Variants in TBC1D5 observed in about 807,000 individuals in gnomAD.
TBC1D5 encodes the protein TBC1 domain family, member 5.
Under a neutral mutation model 100.3 loss-of-function variants are expected in TBC1D5, and 75 were observed. The ratio of observed to expected loss-of-function variants is 0.75; its 90% confidence interval spans 0.62 to 0.91. The LOEUF (loss-of-function observed/expected upper bound fraction) is 0.91. TBC1D5 is among the 40% of genes least tolerant of loss of function. TBC1D5 has a pLI of 0.00. For missense variants in TBC1D5, 910 were observed against 942.4 expected, an observed-to-expected ratio of 0.97 and a Z score of 0.45; for synonymous variants, 323 against 325.6, an observed-to-expected ratio of 0.99 and a Z score of 0.09.
At chr3:17,300,996 G>A (rs1177749601) in intron 14 of TBC1D5, among the ~76,000 whole-genome samples, 2 of 440 alleles carry the variant, frequency 4.5e-3, no homozygotes, top group Non-Finnish European at 8.9e-3. Flanking sequence ...ACTTGAACCC[G>A]GGAGGTGGAA....
At chr3:17,434,633 G>A (rs943376800) in intron 3 of TBC1D5, among the ~76,000 whole-genome samples, 102 of 152,124 alleles carry the variant, frequency 6.7e-4, no homozygotes, top group African/African-American at 2.4e-3. Flanking sequence ...GAACAGGGGG[G>A]CCCTGGGCCC....
chr3:17,521,355 C>A (rs147823611), intron 2 of TBC1D5, among the ~76,000 whole-genome samples: 3 of 152,254 alleles, frequency 2.0e-5, no homozygotes, highest in Non-Finnish European at 4.4e-5. Context: ...GGGTAACTTC[C>A]GCTAAATGAA....
intron 13 of TBC1D5, among the ~76,000 whole-genome samples, chr3:17,341,487 C>T (rs1026943644): frequency 4.6e-5 from 7 of 152,114 alleles, no homozygotes; most frequent in South Asian, 2.1e-4. Flanking sequence ...TGAGGTACCG[C>T]GCCTGGCCTA....
At chr3:17,389,604 C>T (rs1044425330) in intron 8 of TBC1D5, among the ~76,000 whole-genome samples, 7 of 152,238 alleles carry the variant, frequency 4.6e-5, no homozygotes, top group African/African-American at 1.4e-4. Flanking sequence ...AATAACCAGA[C>T]AGGTGAATGA....
intron 2 of TBC1D5, among the ~76,000 whole-genome samples, chr3:17,549,459 C>A (rs965906639): frequency 6.6e-6 from 1 of 152,104 alleles, no homozygotes; most frequent in East Asian, 1.9e-4. Flanking sequence ...AAAACGAGTC[C>A]TTGTTCATTT....
chr3:17,506,889 G>A (rs552876547), intron 3 of TBC1D5, among the ~76,000 whole-genome samples: 250 of 152,138 alleles, frequency 1.6e-3, no homozygotes, highest in Non-Finnish European at 1.3e-3. Context: ...AGTGGCAGCC[G>A]CCTGTAGTCC....
intron 16 of TBC1D5, among the ~76,000 whole-genome samples, chr3:17,253,502 T>C (rs2077350502): frequency 6.6e-6 from 1 of 152,218 alleles, no homozygotes. Context: ...GTATAATTTA[T>C]ATATAATATA....
At chr3:17,471,920 C>A (rs2150139719) in intron 3 of TBC1D5, among the ~76,000 whole-genome samples, 1 of 152,160 alleles carries the variant, frequency 6.6e-6, no homozygotes, top group South Asian at 2.1e-4. Flanking sequence ...GGGAGGCGGT[C>A]AGAACATGAG....
At chr3:17,514,704 A>T (rs1378935729) in intron 2 of TBC1D5, among the ~76,000 whole-genome samples, 1 of 152,184 alleles carries the variant, frequency 6.6e-6, no homozygotes, top group Non-Finnish European at 1.5e-5. Context: ...CTATAAAGTC[A>T]TGAGAAAGTG....
At chr3:17,499,479 G>C (rs1576375084) in intron 3 of TBC1D5, among the ~76,000 whole-genome samples, 1 of 137,992 alleles carries the variant, frequency 7.2e-6, no homozygotes, top group African/African-American at 3.2e-5. Context: ...AGGCCCATGT[G>C]GGCGGATCAC....
intron 2 of TBC1D5, among the ~76,000 whole-genome samples, chr3:17,541,932 T>C (rs142260398): frequency 6.6e-6 from 1 of 152,322 alleles, no homozygotes; most frequent in African/African-American, 2.4e-5. Flanking sequence ...ACACACCTAT[T>C]ATAAAGTTTA....
At chr3:17,512,371 A>T (rs2153234015) in intron 2 of TBC1D5, among the ~76,000 whole-genome samples, 1 of 152,244 alleles carries the variant, frequency 6.6e-6, no homozygotes, top group South Asian at 2.1e-4. Context: ...AACACTTACA[A>T]TGGTTCATTA....
At chr3:17,632,957 C>T (rs887228057) in intron 1 of TBC1D5, among the ~76,000 whole-genome samples, 2 of 151,958 alleles carry the variant, frequency 1.3e-5, no homozygotes, top group African/African-American at 2.4e-5. Context: ...GATAATACAC[C>T]CTTTTTCCCC....
At chr3:17,527,348 A>G (rs2153361538) in intron 2 of TBC1D5, among the ~76,000 whole-genome samples, 1 of 152,292 alleles carries the variant, frequency 6.6e-6, no homozygotes, top group Non-Finnish European at 1.5e-5. Context: ...GAAGACCATA[A>G]AGTGGGAAAT....
chr3:17,164,261 C>T (rs1313164041), intron 21 of TBC1D5, among the ~76,000 whole-genome samples: 2 of 152,198 alleles, frequency 1.3e-5, no homozygotes, highest in Non-Finnish European at 2.9e-5. Flanking sequence ...AGGGCATCGG[C>T]AGGAGGACCA....
At chr3:17,498,392 G>A (rs1020772949) in intron 3 of TBC1D5, among the ~76,000 whole-genome samples, 1 of 152,038 alleles carries the variant, frequency 6.6e-6, no homozygotes, top group African/African-American at 2.4e-5. Flanking sequence ...GCAAAGTTAA[G>A]AACAAAAAAT....
chr3:17,456,199 CA>C (rs141837174), intron 3 of TBC1D5, among the ~76,000 whole-genome samples: 9,231 of 151,290 alleles, frequency 0.061, 541 homozygotes, highest in African/African-American at 0.15. Flanking sequence ...TAAACTACCA[CA>C]AAAAAAAATC....
At position 17,665,854 on chromosome 3, in the gene TBC1D5, A is replaced by G. The variant is rs2067201508; in HGVS notation, c.-100-41941T>C. Among the ~76,000 whole-genome samples, 3 of 152,140 alleles carry G rather than the reference A, an allele frequency of 2.0e-5. No homozygotes were observed. In the South Asian group the frequency reaches 6.2e-4, roughly 31 times the overall value. ...TTAGGATCATCTGCAAACTCTTGAG[A>G]TCTTTTCTTTAAAGCTTGGACACAT... is the stretch of plus-strand genomic sequence containing the variant. On this transcript the variant is annotated intron_variant, in intron 1 of 21. Coordinates refer to ENST00000253692, the Ensembl canonical transcript of TBC1D5.
chr3:17,679,828 C>G (rs1234943545), intron 1 of TBC1D5, among the ~76,000 whole-genome samples: 1 of 151,358 alleles, frequency 6.6e-6, no homozygotes, highest in Non-Finnish European at 1.5e-5. Flanking sequence ...AGTAGATATT[C>G]AAAAGTTTTG....
Sources: gnomAD v4.1 joint callset for allele counts (sites outside exome capture counted in the v4.1 genomes callset) on GRCh38, gnomAD v4.1.1 for gene constraint, MANE v1.5 for transcripts, NCBI Gene and HGNC (gene_info 2026-07-23, HGNC 2026-07-21) for gene names.